The following DENND1A variants were observed in gnomAD, a reference collection of about 807,000 sequenced individuals.
DENND1A encodes DENN domain-containing protein 1A.
A neutral mutation model predicts 113.7 loss-of-function variants in DENND1A; 51 were observed. That is an observed-to-expected ratio of 0.45 (90% CI 0.36 to 0.57). DENND1A has a LOEUF of 0.57. Ranked by LOEUF, DENND1A falls within the 20% of genes least tolerant of loss-of-function variation. DENND1A has a pLI of 0.00. For synonymous variants in DENND1A, 565 were observed against 570.8 expected (o/e 0.99, Z 0.14); for missense variants, 1,258 against 1,395.9 (o/e 0.90, Z 1.57).
chr9:123,454,723 T>C lies in DENND1A; in HGVS notation c.1227+16A>G, dbSNP rs770700675. On this transcript the variant is annotated intron_variant, in intron 16 of 23. Coordinates refer to ENST00000394215, the MANE Select transcript of DENND1A (RefSeq NM_001352964.2). The stretch of plus-strand genomic sequence containing the variant: ...AGGAGGGAGTCCAGGGGGCTCTGAA[T>C]TGGGTGCATGCTTACCCGGACAGTG... The C allele has an allele frequency of 1.2e-5, 19 of 1,553,372 alleles. No individual in the cohort carries two copies. The highest frequency in any genetic ancestry group is 1.7e-5 in the Non-Finnish European group (19 of 1,147,782).
chr9:123,779,883 G>A (rs546585150), intron 3 of DENND1A, among the ~76,000 whole-genome samples: 19 of 81,670 alleles, frequency 2.3e-4, no homozygotes, highest in Non-Finnish European at 3.6e-4. Context: ...TTTTTTTTGA[G>A]ACGGAGTCTC....
In DENND1A at chr9:123,878,277, G is replaced by A. The variant is rs188717135; in HGVS notation, c.88+674C>T. Among the ~76,000 whole-genome samples, 386 of 151,938 alleles carry A rather than the reference G, an allele frequency of 2.5e-3. 4 individuals carry two copies. The highest frequency in any genetic ancestry group is 8.3e-3 in the African/African-American group (342 of 41,438). ...ACCAAGAGTCCTAAACATACCTTTG[G>A]CAAAATGTATCACCTCTTAGGCACC... On this transcript the variant is annotated intron_variant, in intron 2 of 23. Transcript: ENST00000394215.
intron 11 of DENND1A, among the ~76,000 whole-genome samples, chr9:123,592,798 C>A (rs1434799986): frequency 6.6e-6 from 1 of 152,148 alleles, no homozygotes; most frequent in Non-Finnish European, 1.5e-5. Flanking sequence ...TGCCACTGTG[C>A]CCAGCTTTAA....
intron 2 of DENND1A, among the ~76,000 whole-genome samples, chr9:123,874,531 G>A (rs1847150470): frequency 6.6e-6 from 1 of 152,174 alleles, no homozygotes; most frequent in Non-Finnish European, 1.5e-5. Context: ...GGAGGCTAAG[G>A]TGGGAGGAAC....
chr9:123,674,933 A>T (rs2063979002), intron 6 of DENND1A, among the ~76,000 whole-genome samples: 1 of 151,702 alleles, frequency 6.6e-6, no homozygotes, highest in East Asian at 1.9e-4. Flanking sequence ...ATATTATACA[A>T]TTCTGTTTAT....
intron 9 of DENND1A, among the ~76,000 whole-genome samples, chr9:123,634,915 C>G (rs1353420175): frequency 1.3e-5 from 2 of 152,228 alleles, no homozygotes; most frequent in Admixed American, 1.3e-4. Flanking sequence ...TTTGGATGCA[C>G]TTTAGCAAAT....
intron 1 of DENND1A, among the ~76,000 whole-genome samples, chr9:123,920,917 C>T (rs1856128803): frequency 6.6e-6 from 1 of 152,026 alleles, no homozygotes; most frequent in African/African-American, 2.4e-5. Context: ...ATTGTTTGCA[C>T]GCTCATCTTA....
chr9:123,577,060 A>T (rs1554888341), intron 12 of DENND1A, among the ~76,000 whole-genome samples: 1 of 151,966 alleles, frequency 6.6e-6, no homozygotes, highest in Non-Finnish European at 1.5e-5. Flanking sequence ...CTGTTAAAAT[A>T]TTTTTTCTGT....
Position 123,583,231 on chromosome 9 carries a change from T to C in DENND1A, c.805A>G (p.Asn269Asp), listed in dbSNP as rs746445913. 5 of 1,612,526 alleles carry C rather than the reference T, an allele frequency of 3.1e-6. No homozygotes were observed. Among genetic ancestry groups the C allele is most frequent in the Non-Finnish European group, 4.2e-6 (5 of 1,179,264 alleles). The part of the protein sequence containing the change: ...NMALDDVVIL[N>D]VDTNTLETPF... ...GTTTCCAGGGTGTTGGTGTCCACAT[T>C]CAGGATCACGACATCATCCAGGGCC... The change falls in exon 12 of 24, where the codon AAT (asparagine) becomes GAT (aspartate). Residue 269 changes from asparagine to aspartate, a missense_variant. Asn to Asp is a conservative substitution (Grantham distance 23). Transcript: ENST00000394215.
chr9:123,383,953 C>G (rs1443738990), intron 22 of DENND1A, 40 bp from the exon 23 acceptor site: 1 of 1,582,190 alleles, frequency 6.3e-7, no homozygotes, highest in South Asian at 1.1e-5. Context: ...CCACCCAGGC[C>G]TTCAGGGGAG....
chr9:123,645,954 C>T (rs186989389), intron 9 of DENND1A, among the ~76,000 whole-genome samples: 12 of 152,296 alleles, frequency 7.9e-5, no homozygotes, highest in African/African-American at 2.6e-4. Flanking sequence ...CCAGTCACCC[C>T]GCTTATCCGG....
chr9:123,735,464 T>C (rs529457681), intron 5 of DENND1A, among the ~76,000 whole-genome samples: 4 of 152,296 alleles, frequency 2.6e-5, no homozygotes, highest in Non-Finnish European at 5.9e-5. Flanking sequence ...CTCTCTGCAC[T>C]CACTTGCAGA....
intron 10 of DENND1A, among the ~76,000 whole-genome samples, chr9:123,629,884 AC>A (rs1173865892): frequency 2.0e-5 from 3 of 152,152 alleles, no homozygotes; most frequent in African/African-American, 7.2e-5. Flanking sequence ...CAAACACGCA[AC>A]CTTTTGGTGC....
intron 4 of DENND1A, among the ~76,000 whole-genome samples, chr9:123,758,109 A>G (rs146215322): frequency 2.4e-4 from 37 of 152,278 alleles, no homozygotes; most frequent in Non-Finnish European, 4.6e-4. Context: ...CAGCCCATCA[A>G]TTCCGAAAGG....
intron 3 of DENND1A, among the ~76,000 whole-genome samples, chr9:123,773,424 C>G (rs574545627): frequency 2.0e-5 from 3 of 152,300 alleles, no homozygotes; most frequent in African/African-American, 4.8e-5. Context: ...TTACTCCAAT[C>G]TGGAGAAATT....
At chr9:123,417,364 GT>G (rs2044820266) in intron 19 of DENND1A, among the ~76,000 whole-genome samples, 1 of 152,198 alleles carries the variant, frequency 6.6e-6, no homozygotes, top group Non-Finnish European at 1.5e-5. Context: ...TATATGATGT[GT>G]TTTCCTTTCA....
chr9:123,807,696 T>C (rs560788272), intron 2 of DENND1A, among the ~76,000 whole-genome samples: 1 of 152,316 alleles, frequency 6.6e-6, no homozygotes, highest in Admixed American at 6.5e-5. Flanking sequence ...CTGGGATAGA[T>C]TAATTCAGGG....
rs2047776812 is a variant in DENND1A, at chr9:123,452,273, T to TA, written c.1299+2dup. On this transcript the variant is annotated splice_region_variant and intron_variant, in intron 17 of 23. Coordinates refer to ENST00000394215, the MANE Select transcript of DENND1A (RefSeq NM_001352964.2). ...GGCTCCTGACAGCAAGACCAGTACT[T>TA]ACGAACTTGTAGACAGTCTTCATGG... 1 of 1,614,046 alleles carries TA rather than the reference T, an allele frequency of 6.2e-7. No homozygotes were observed. Among genetic ancestry groups the TA allele is most frequent in the Non-Finnish European group, 8.5e-7 (1 of 1,180,002 alleles).
At chr9:123,855,143 T>C (rs1247992922) in intron 2 of DENND1A, among the ~76,000 whole-genome samples, 1 of 151,350 alleles carries the variant, frequency 6.6e-6, no homozygotes, top group Non-Finnish European at 1.5e-5. Flanking sequence ...CAAATTCCAC[T>C]GAATGAGATA....
Sources: allele counts gnomAD v4.1 joint callset (sites outside exome capture counted in the v4.1 genomes callset), GRCh38; gene constraint gnomAD v4.1.1; transcripts MANE v1.5; gene names NCBI Gene and HGNC (gene_info 2026-07-23, HGNC 2026-07-21).